HGD: variants seen among roughly 807,000 people sequenced by gnomAD.
HGD encodes the protein homogentisate 1,2-dioxygenase.
Under a neutral mutation model 60.8 loss-of-function variants are expected in HGD, and 61 were observed. That is an observed-to-expected ratio of 1.00 (90% CI 0.82 to 1.24). The LOEUF (loss-of-function observed/expected upper bound fraction) is 1.24, where lower values mean the gene tolerates loss of function less well. HGD is among the 50% of genes most tolerant of loss of function. HGD has a pLI of 0.00. For synonymous variants in HGD, 212 were observed against 187.7 expected, an observed-to-expected ratio of 1.13 and a Z score of -1.06; for missense variants, 542 against 547.1, an observed-to-expected ratio of 0.99 and a Z score of 0.09.
chr3:120,630,876 A>C (rs1940572411), intron 13 of HGD, among the ~76,000 whole-genome samples: 1 of 148,480 alleles, frequency 6.7e-6, no homozygotes, highest in South Asian at 2.1e-4. Flanking sequence ...ACACACACAC[A>C]CAGATAATGG....
At chr3:120,629,098 G>T (rs945308498) in intron 13 of HGD, among the ~76,000 whole-genome samples, 3 of 152,190 alleles carry the variant, frequency 2.0e-5, no homozygotes, top group Admixed American at 6.5e-5. Flanking sequence ...GAAGGAAATG[G>T]CAGGAATGGC....
At chr3:120,670,194 A>G (rs958205186) in intron 4 of HGD, 18 of 555,540 alleles carry the variant, frequency 3.2e-5, no homozygotes, top group African/African-American at 3.2e-4. Context: ...CTGTGAGTCA[A>G]TTAAAAATAT....
At chr3:120,657,336 C>G (rs1389286131) in intron 4 of HGD, among the ~76,000 whole-genome samples, 3 of 152,128 alleles carry the variant, frequency 2.0e-5, no homozygotes, top group African/African-American at 7.2e-5. Context: ...AATTCATGCT[C>G]AGAGATGAAA....
intron 6 of HGD, among the ~76,000 whole-genome samples, chr3:120,649,675 C>G (rs148910367): frequency 6.6e-6 from 1 of 152,092 alleles, no homozygotes; most frequent in Non-Finnish European, 1.5e-5. Flanking sequence ...TGAAAGGCAC[C>G]CTGGGTGACT....
intron 12 of HGD, 54 bp downstream of exon 12, chr3:120,638,401 C>A: frequency 6.2e-7 from 1 of 1,610,146 alleles, no homozygotes; most frequent in Middle Eastern, 1.7e-4. Context: ...GTAGCGCTCA[C>A]TGCTTTGTTG....
At chr3:120,656,142 T>C (rs1045494878) in intron 4 of HGD, among the ~76,000 whole-genome samples, 1 of 152,126 alleles carries the variant, frequency 6.6e-6, no homozygotes, top group African/African-American at 2.4e-5. Flanking sequence ...ATAGGCTATG[T>C]GAGGATACAG....
chr3:120,650,454 C>T (rs1363889744), intron 6 of HGD, among the ~76,000 whole-genome samples: 4 of 152,224 alleles, frequency 2.6e-5, no homozygotes, highest in Non-Finnish European at 5.9e-5. Context: ...ACAACAAAAG[C>T]ATATTTGGAC....
chr3:120,654,246 A>C (rs1941427717), intron 4 of HGD, among the ~76,000 whole-genome samples: 1 of 152,178 alleles, frequency 6.6e-6, no homozygotes, highest in African/African-American at 2.4e-5. Flanking sequence ...AAGGGATTTA[A>C]GTATCAGATC....
intron 1 of HGD, among the ~76,000 whole-genome samples, chr3:120,677,133 C>T (rs1394260342): frequency 6.6e-6 from 1 of 151,942 alleles, no homozygotes; most frequent in East Asian, 1.9e-4. Context: ...GCCTCAGGAC[C>T]CTGTAATAAT....
intron 4 of HGD, among the ~76,000 whole-genome samples, chr3:120,666,205 C>T (rs1335436678): frequency 6.6e-6 from 1 of 152,158 alleles, no homozygotes; most frequent in Non-Finnish European, 1.5e-5. Context: ...CACTGAGACG[C>T]TATTGAATTC....
chr3:120,671,743 C>A (rs1277202499), intron 3 of HGD, among the ~76,000 whole-genome samples: 1 of 152,110 alleles, frequency 6.6e-6, no homozygotes, highest in Non-Finnish European at 1.5e-5. Context: ...AACCCAAATG[C>A]CCATCAATGA....
intron 10 of HGD, among the ~76,000 whole-genome samples, chr3:120,642,205 A>T (rs1030446420): frequency 5.9e-5 from 9 of 152,218 alleles, no homozygotes; most frequent in African/African-American, 2.2e-4. Context: ...AGCAATCCTA[A>T]CATAATACTT....
intron 1 of HGD, 117 bp from the exon 2 acceptor site, chr3:120,675,980 C>A: frequency 1.3e-6 from 1 of 773,592 alleles, no homozygotes; most frequent in East Asian, 2.5e-5. Flanking sequence ...GTATGATGTT[C>A]CACATATAAT....
chr3:120,659,943 T>G (rs2320007), intron 4 of HGD, among the ~76,000 whole-genome samples: 31,630 of 141,922 alleles, frequency 0.22, 3,995 homozygotes, highest in Middle Eastern at 0.32. Context: ...CAAGAGAGAG[T>G]GGGGGGTGGT....
Position 120,657,897 on chromosome 3 carries a change from A to G in HGD, c.283-5246T>C, listed in dbSNP as rs555288698. ...GGGAGGTGCCACACACTTTTCAATGACCAGATCTCATGAGAACTCACTCAC... is the reference window on the plus strand; with the variant it reads ...GGGAGGTGCCACACACTTTTCAATGGCCAGATCTCATGAGAACTCACTCAC... On this transcript the variant is annotated intron_variant, in intron 4 of 13. Transcript: ENST00000283871. 2.2e-4 allele frequency among the ~76,000 whole-genome samples: 34 copies of G among 152,216 alleles called. 1 individual carries two copies. In the South Asian group the frequency reaches 6.0e-3, roughly 27 times the overall value.
intron 4 of HGD, among the ~76,000 whole-genome samples, chr3:120,661,569 T>C (rs1014640663): frequency 5.9e-5 from 9 of 152,162 alleles, no homozygotes; most frequent in South Asian, 2.1e-4. Context: ...GAAATGTAAA[T>C]AGAAATGTTC....
In HGD at chr3:120,682,175, T is replaced by A; in HGVS notation, c.-64A>T. On this transcript the variant is annotated 5_prime_UTR_variant, in exon 1 of 14. Transcript: ENST00000283871. ...AGGCCCAGAGGATATAAAGCCACAATGCTTCTTTCTCCTTCAAACCACTCT... is the reference window on the plus strand; with the variant it reads ...AGGCCCAGAGGATATAAAGCCACAAAGCTTCTTTCTCCTTCAAACCACTCT... The A allele has an allele frequency of 6.6e-7, 1 of 1,505,554 alleles. No individual in the cohort carries two copies. Among genetic ancestry groups the A allele is most frequent in the Non-Finnish European group, 9.2e-7 (1 of 1,081,236 alleles). 93.3% of individuals were successfully genotyped at this position (1,505,554 alleles called of 1,614,324 possible).
intron 4 of HGD, among the ~76,000 whole-genome samples, chr3:120,656,761 A>G (rs1941510903): frequency 6.6e-6 from 1 of 152,144 alleles, no homozygotes; most frequent in African/African-American, 2.4e-5. Context: ...CATGTTGGCC[A>G]GGCTGGTCTC....
At chr3:120,649,318 A>AT (rs1388499029) in intron 6 of HGD, among the ~76,000 whole-genome samples, 1 of 149,984 alleles carries the variant, frequency 6.7e-6, no homozygotes, top group Non-Finnish European at 1.5e-5. Context: ...AATTTTTTGT[A>AT]TTTTTTAGTA....
Sources: gnomAD v4.1 joint callset for allele counts (sites outside exome capture counted in the v4.1 genomes callset) on GRCh38, gnomAD v4.1.1 for gene constraint, MANE v1.5 for transcripts, NCBI Gene and HGNC (gene_info 2026-07-23, HGNC 2026-07-21) for gene names.